Variants in ANOS1 observed in about 807,000 individuals in gnomAD.
ANOS1 encodes the protein anosmin-1.
A neutral mutation model predicts 59.0 loss-of-function variants in ANOS1; 6 were observed. That is an observed-to-expected ratio of 0.10 (90% CI 0.06 to 0.20). The LOEUF (loss-of-function observed/expected upper bound fraction) is 0.20. ANOS1 is among the 10% of genes least tolerant of loss of function. The pLI is 1.00. For synonymous variants in ANOS1, 217 were observed against 223.4 expected (o/e 0.97, Z 0.25); for missense variants, 433 against 542.3 (o/e 0.80, Z 2.00).
chrX:8,698,604 G>T (rs767223818), intron 2 of ANOS1, among the ~76,000 whole-genome samples: 1 of 112,011 alleles, frequency 8.9e-6, no homozygotes, highest in African/African-American at 3.2e-5. Flanking sequence ...CAGAACAAAT[G>T]CTTAGGACAT....
chrX:8,655,918 T>A (rs1377916580), intron 2 of ANOS1, among the ~76,000 whole-genome samples: 2 of 112,511 alleles, frequency 1.8e-5, no homozygotes, highest in African/African-American at 6.5e-5. Flanking sequence ...TTTTATCTGA[T>A]GGTATGTCAT....
chrX:8,704,922 T>C (rs1183163644), intron 1 of ANOS1, among the ~76,000 whole-genome samples: 1 of 111,612 alleles, frequency 9.0e-6, no homozygotes, highest in East Asian at 2.8e-4. Flanking sequence ...AGTCTTATTA[T>C]AGTGAGACTC....
intron 4 of ANOS1, among the ~76,000 whole-genome samples, chrX:8,591,496 C>T (rs1316065992): frequency 8.9e-6 from 1 of 111,740 alleles, no homozygotes; most frequent in East Asian, 2.8e-4. Flanking sequence ...CAGCCCAGTG[C>T]CCTCGCTGTA....
chrX:8,626,626 G>A lies in ANOS1; in HGVS notation c.256-2956C>T, dbSNP rs961302646. ...TGTAATCCCAGCACTTTGGAAGGCC[G>A]AGGCAGGCGGATCACAAGGTCAGGA... On this transcript the variant is annotated intron_variant, in intron 2 of 13. Coordinates refer to ENST00000262648, the MANE Select transcript of ANOS1 (RefSeq NM_000216.4). Among the ~76,000 whole-genome samples the A allele has an allele frequency of 7.2e-5, 8 of 110,970 alleles. 1 individual carries two copies. The highest frequency in any genetic ancestry group is 4.3e-3 in the Middle Eastern group (1 of 235).
At chrX:8,731,752 G>A (rs1442794692) in intron 1 of ANOS1, 78 bp downstream of exon 1, 2 of 1,134,607 alleles carry the variant, frequency 1.8e-6, no homozygotes, top group Non-Finnish European at 1.2e-6. Context: ...GCGAGCCCAG[G>A]CTGGGAGGCG....
At chrX:8,672,119 C>G (rs1932265089) in intron 2 of ANOS1, among the ~76,000 whole-genome samples, 1 of 110,955 alleles carries the variant, frequency 9.0e-6, no homozygotes, top group Non-Finnish European at 1.9e-5. Flanking sequence ...TGGAAGAAAT[C>G]ACAGTAGTAG....
chrX:8,589,139 T>A (rs1254070710), intron 4 of ANOS1, among the ~76,000 whole-genome samples: 1 of 112,607 alleles, frequency 8.9e-6, no homozygotes, highest in Non-Finnish European at 1.9e-5. Flanking sequence ...AAGTCTTGTT[T>A]ACGAAAATTT....
chrX:8,615,048 C>G (rs1006736898), intron 3 of ANOS1, among the ~76,000 whole-genome samples: 3 of 110,129 alleles, frequency 2.7e-5, no homozygotes, highest in Non-Finnish European at 5.7e-5. Flanking sequence ...AAGCATTCTT[C>G]AAAACATTTC....
chrX:8,726,912 A>C (rs1194513205), intron 1 of ANOS1, among the ~76,000 whole-genome samples: 1 of 111,982 alleles, frequency 8.9e-6, no homozygotes, highest in African/African-American at 3.3e-5. Flanking sequence ...TTTCTCCCTA[A>C]GTGAGCATAT....
rs1163726015 is a variant in ANOS1, at chrX:8,658,760, G to T, written c.256-35090C>A. On this transcript the variant is annotated intron_variant, in intron 2 of 13. Transcript: ENST00000262648. ...TCTGCTCTCACTTTGCAGGTAAAGA[G>T]GCATGCACCAGAATGCTGTGGAAAC... Among the ~76,000 whole-genome samples, 23 of 111,789 alleles carry T rather than the reference G, an allele frequency of 2.1e-4. No homozygotes were observed. The Admixed American group carries it at 2.2e-3, about 11-fold the overall frequency.
intron 1 of ANOS1, among the ~76,000 whole-genome samples, chrX:8,704,518 T>G (rs1376180724): frequency 8.9e-6 from 1 of 112,377 alleles, no homozygotes; most frequent in Non-Finnish European, 1.9e-5. Flanking sequence ...ACAGAGCCTA[T>G]TTTGAATTGG....
At chrX:8,602,568 C>T (rs1390962491) in intron 3 of ANOS1, among the ~76,000 whole-genome samples, 2 of 111,267 alleles carry the variant, frequency 1.8e-5, no homozygotes, top group East Asian at 2.8e-4. Context: ...TCAATAAACA[C>T]GTGTGACAAC....
At chrX:8,726,016 C>G (rs779615106) in intron 1 of ANOS1, among the ~76,000 whole-genome samples, 1 of 110,100 alleles carries the variant, frequency 9.1e-6, no homozygotes, top group Admixed American at 9.8e-5. Context: ...TGCATCGAGT[C>G]GTGGTTCTCC....
In ANOS1 at chrX:8,543,757, G is replaced by A. The variant is rs1197371442; in HGVS notation, c.1355-3999C>T. ...CACATGCTTGTAATCCCAGCTACTCGGGAGGCTGAGGCAGGAGAATCGCTT... is the reference window on the plus strand; with the variant it reads ...CACATGCTTGTAATCCCAGCTACTCAGGAGGCTGAGGCAGGAGAATCGCTT... On this transcript the variant is annotated intron_variant, in intron 9 of 13. Transcript: ENST00000262648. Among the ~76,000 whole-genome samples the A allele has an allele frequency of 4.5e-5, 5 of 110,804 alleles. No homozygotes were observed. In the Admixed American group the frequency reaches 4.8e-4, roughly 11 times the overall value.
intron 8 of ANOS1, among the ~76,000 whole-genome samples, chrX:8,562,116 T>C (rs1428149158): frequency 1.8e-5 from 2 of 109,960 alleles, no homozygotes; most frequent in Non-Finnish European, 3.8e-5. Flanking sequence ...AATTTTTGTA[T>C]TTTTAGTAGA....
At chrX:8,615,597 A>ACTCCAGC (rs779475500) in intron 3 of ANOS1, among the ~76,000 whole-genome samples, 3 of 109,923 alleles carry the variant, frequency 2.7e-5, no homozygotes, top group African/African-American at 3.3e-5. Context: ...TGTGTCAGTC[A>ACTCCAGC]CTCCAGCCTC....
At chrX:8,685,304 G>A (rs1033770906) in intron 2 of ANOS1, among the ~76,000 whole-genome samples, 12 of 109,414 alleles carry the variant, frequency 1.1e-4, no homozygotes, top group Admixed American at 1.0e-3. Context: ...TTCCATTATC[G>A]TTAAATAAGC....
chrX:8,645,898 C>T (rs1042235066), intron 2 of ANOS1, among the ~76,000 whole-genome samples: 2 of 112,400 alleles, frequency 1.8e-5, no homozygotes, highest in African/African-American at 6.5e-5. Context: ...CCCGCCTCGG[C>T]CTCCCAAAGT....
intron 9 of ANOS1, among the ~76,000 whole-genome samples, chrX:8,544,275 G>A (rs1229552631): frequency 4.0e-5 from 4 of 100,441 alleles, no homozygotes; most frequent in Non-Finnish European, 8.0e-5. Flanking sequence ...AGAATTGTAA[G>A]TCACAGCACT....
Sources: gnomAD v4.1 joint callset for allele counts (sites outside exome capture counted in the v4.1 genomes callset) on GRCh38, gnomAD v4.1.1 for gene constraint, MANE v1.5 for transcripts, NCBI Gene and HGNC (gene_info 2026-07-23, HGNC 2026-07-21) for gene names.